Variants in INTU observed in about 807,000 individuals in gnomAD.
INTU encodes protein inturned.
INTU carries 68 observed loss-of-function variants against 100.5 expected under a neutral mutation model. The observed-to-expected ratio is 0.68, with a 90% CI of 0.56 to 0.83. The LOEUF (loss-of-function observed/expected upper bound fraction) is 0.83, where lower values mean the gene tolerates loss of function less well. Ranked by LOEUF, INTU falls within the 40% of genes least tolerant of loss-of-function variation. The probability of loss-of-function intolerance (pLI) is 0.00; values close to 1 mark genes in which losing one functional copy is unlikely to be tolerated. For synonymous variants in INTU, 357 were observed against 395.7 expected, an observed-to-expected ratio of 0.90 and a Z score of 1.16; for missense variants, 1,071 against 1,114.7, an observed-to-expected ratio of 0.96 and a Z score of 0.56.
In INTU at chr4:127,710,954, C is replaced by A; in HGVS notation, c.2411C>A (p.Ala804Asp). Reference protein sequence around the residue: ...GPENTLFHYVALETVQGIFIT... With the variant: ...GPENTLFHYVDLETVQGIFIT... Reference sequence around the variant, plus strand: ...GAGAACACACTTTTCCACTACGTTGCCTTAGAAACAGTGCAAGGAATCTTT... The same window carrying A: ...GAGAACACACTTTTCCACTACGTTGACTTAGAAACAGTGCAAGGAATCTTT... Residue 804 changes from alanine to aspartate, a missense_variant, in exon 14 of 16, where the codon GCC (alanine) becomes GAC (aspartate). Transcript: ENST00000335251. The A allele has an allele frequency of 6.5e-7, 1 of 1,538,134 alleles. No individual in the cohort carries two copies. The highest frequency in any genetic ancestry group is 8.8e-7 in the Non-Finnish European group (1 of 1,130,450).
rs1289471000 is a variant in INTU, at chr4:127,721,682, C to A, written c.*5246C>A. On this transcript the variant is annotated 3_prime_UTR_variant, in exon 16 of 16. Transcript: ENST00000335251. Reference sequence around the variant, plus strand: ...CATTCATTCCTTTTCATTCTTTTTTCTCTAATCTTGTCTGCCTGCCTTATT... The same window carrying A: ...CATTCATTCCTTTTCATTCTTTTTTATCTAATCTTGTCTGCCTGCCTTATT... The A allele has an allele frequency of 6.6e-6, 1 of 152,108 alleles. No individual in the cohort carries two copies. The highest frequency in any genetic ancestry group is 1.5e-5 in the Non-Finnish European group (1 of 68,022). The allele number at this position is 152,108 out of a possible 1,614,324, so 9.4% of individuals were successfully genotyped here.
At position 127,721,019 on chromosome 4, in the gene INTU, T is replaced by C. The variant is rs1731338640; in HGVS notation, c.*4583T>C. 6.6e-6 allele frequency: 1 copy of C among 152,194 alleles called. No individual in the cohort carries two copies. The highest frequency in any genetic ancestry group is 1.5e-5 in the Non-Finnish European group (1 of 68,030). 9.4% of individuals were successfully genotyped at this position (152,194 alleles called of 1,614,324 possible). On this transcript the variant is annotated 3_prime_UTR_variant, in exon 16 of 16. Transcript: ENST00000335251. ...GAATTTTATCCTGACATCATGATGCTAGTTGATTATTTTGCAGACTTGTTT... is the reference window on the plus strand; with the variant it reads ...GAATTTTATCCTGACATCATGATGCCAGTTGATTATTTTGCAGACTTGTTT...
At chr4:127,669,329 A>G (rs1728824603) in intron 5 of INTU, among the ~76,000 whole-genome samples, 175 bp downstream of exon 5, 1 of 151,816 alleles carries the variant, frequency 6.6e-6, no homozygotes, top group African/African-American at 2.4e-5. Context: ...TACATTATAG[A>G]TAACGAGCTC....
Position 127,633,174 on chromosome 4 carries a change from A to G in INTU, c.140A>G (p.Asp47Gly). Residue 47 changes from aspartate (D) to glycine (G), a missense_variant, in exon 1 of 16, where the codon GAT becomes GGT. By Grantham distance (94) the Asp-to-Gly change is moderately conservative (BLOSUM62 -1). Coordinates refer to ENST00000335251, the MANE Select transcript of INTU (RefSeq NM_015693.4). ...GGTTCATATTCCTCAGCGAGTAGCG[A>G]TTATGAGTAAGGTTTTCAAAGAGGG... ...DSGSYSSASS[D>G]YDDLEPEWLD... is the part of the protein sequence containing the mutation. 6.2e-7 allele frequency: 1 copy of G among 1,613,400 alleles called. No individual in the cohort carries two copies. Among genetic ancestry groups the G allele is most frequent in the African/African-American group, 1.3e-5 (1 of 75,038 alleles).
At chr4:127,693,248 A>G (rs1209811958) in intron 8 of INTU, among the ~76,000 whole-genome samples, 1 of 152,008 alleles carries the variant, frequency 6.6e-6, no homozygotes, top group Non-Finnish European at 1.5e-5. Context: ...ATTGTCTATG[A>G]TTTCTTTCAT....
At chr4:127,685,529 T>A (rs1293495701) in intron 7 of INTU, 2 of 453,840 alleles carry the variant, frequency 4.4e-6, no homozygotes, top group Admixed American at 4.7e-5. Context: ...AGGAGGCACA[T>A]CCCTGTCAAA....
intron 15 of INTU, among the ~76,000 whole-genome samples, chr4:127,714,339 T>TC (rs1731191667): frequency 6.6e-6 from 1 of 152,122 alleles, no homozygotes; most frequent in South Asian, 2.1e-4. Flanking sequence ...TTTCTCTTCT[T>TC]CCCTTTTTCC....
At chr4:127,678,736 A>G (rs1413085997) in intron 6 of INTU, among the ~76,000 whole-genome samples, 4 of 152,206 alleles carry the variant, frequency 2.6e-5, no homozygotes, top group Admixed American at 1.3e-4. Context: ...GACAGGATCA[A>G]ATTCACACAT....
chr4:127,649,717 A>C (rs1727752097), intron 2 of INTU, among the ~76,000 whole-genome samples: 1 of 152,178 alleles, frequency 6.6e-6, no homozygotes, highest in Non-Finnish European at 1.5e-5. Context: ...TCCCCAAAGA[A>C]TATTAAGCTC....
chr4:127,637,331 A>G (rs1431035939), intron 1 of INTU, among the ~76,000 whole-genome samples: 1 of 152,194 alleles, frequency 6.6e-6, no homozygotes, highest in Non-Finnish European at 1.5e-5. Context: ...TGGCCTTCCA[A>G]ATAAATTCTA....
chr4:127,709,468 T>C (rs1315106495), intron 13 of INTU, among the ~76,000 whole-genome samples: 2 of 152,158 alleles, frequency 1.3e-5, no homozygotes, highest in African/African-American at 4.8e-5. Context: ...CAAACGTTCA[T>C]TGAGTAGGGA....
At chr4:127,640,337 G>A (rs1727254237) in intron 1 of INTU, among the ~76,000 whole-genome samples, 1 of 151,588 alleles carries the variant, frequency 6.6e-6, no homozygotes, top group South Asian at 2.1e-4. Context: ...TTGCTTTTCA[G>A]TATAAGTTGC....
At position 127,705,591 on chromosome 4, in the gene INTU, G is replaced by C. The variant is rs1730841662; in HGVS notation, c.1567G>C (p.Gly523Arg). 4 of 1,611,798 alleles carry C rather than the reference G, an allele frequency of 2.5e-6. No homozygotes were observed. The highest frequency in any genetic ancestry group is 3.4e-6 in the Non-Finnish European group (4 of 1,178,006). The change falls in exon 11 of 16, where the codon GGT becomes CGT. Residue 523 changes from glycine (G) to arginine (R), a missense_variant and splice_region_variant. Coordinates refer to ENST00000335251, the MANE Select transcript of INTU (RefSeq NM_015693.4). ...TILGSSLFYK[G>R]YLICSHLPKD... ...TTTGCTCTTTGTGGTTAAATTCAAG[G>C]GTTATTTGATATGCAGTCATTTGCC... is the stretch of plus-strand genomic sequence containing the variant.
chr4:127,679,324 C>G (rs1729398485), intron 6 of INTU, among the ~76,000 whole-genome samples: 1 of 152,236 alleles, frequency 6.6e-6, no homozygotes, highest in African/African-American at 2.4e-5. Context: ...CACACCACAC[C>G]TATTCCAAAA....
At chr4:127,661,506 A>G (rs1354281004) in intron 3 of INTU, among the ~76,000 whole-genome samples, 1 of 151,868 alleles carries the variant, frequency 6.6e-6, no homozygotes, top group East Asian at 1.9e-4. Context: ...TCTCATAGAC[A>G]CTCCAGCTTC....
At chr4:127,668,968 T>A (rs1728808734) in intron 4 of INTU, 68 bp from the exon 5 acceptor site, 1 of 671,922 alleles carries the variant, frequency 1.5e-6, no homozygotes, top group Non-Finnish European at 2.6e-6. Context: ...AACACAAAGT[T>A]TGAACTTGCC....
At chr4:127,653,306 G>C (rs1217608622) in intron 2 of INTU, among the ~76,000 whole-genome samples, 2 of 130,470 alleles carry the variant, frequency 1.5e-5, no homozygotes, top group Non-Finnish European at 3.2e-5. Flanking sequence ...TCTTTTAATT[G>C]TGATGTTAGG....
At chr4:127,653,419 G>A (rs1481382687) in intron 2 of INTU, among the ~76,000 whole-genome samples, 1 of 144,286 alleles carries the variant, frequency 6.9e-6, no homozygotes, top group Non-Finnish European at 1.5e-5. Context: ...CTGGTATGTT[G>A]TGTCTTTGTT....
intron 6 of INTU, among the ~76,000 whole-genome samples, chr4:127,683,369 A>G (rs1729670563): frequency 6.6e-6 from 1 of 152,192 alleles, no homozygotes; most frequent in South Asian, 2.1e-4. Context: ...CTCATTTCAC[A>G]TAACTAAAAG....
Sources: gnomAD v4.1 joint callset for allele counts (sites outside exome capture counted in the v4.1 genomes callset) on GRCh38, gnomAD v4.1.1 for gene constraint, MANE v1.5 for transcripts, NCBI Gene and HGNC (gene_info 2026-07-23, HGNC 2026-07-21) for gene names.